The following KCNH8 variants were observed in gnomAD, a reference collection of about 807,000 sequenced individuals.
KCNH8 encodes the protein voltage-gated delayed rectifier potassium channel KCNH8.
Under a neutral mutation model 103.6 loss-of-function variants are expected in KCNH8, and 70 were observed. The observed-to-expected ratio is 0.68, with a 90% CI of 0.56 to 0.82. The LOEUF (loss-of-function observed/expected upper bound fraction) is 0.82, where lower values mean the gene tolerates loss of function less well. Among genes scored for constraint, KCNH8 ranks in the 40% least tolerant of loss-of-function variants. The probability of loss-of-function intolerance (pLI) is 0.00; values close to 1 mark genes in which losing one functional copy is unlikely to be tolerated. For synonymous variants in KCNH8, 498 were observed against 489.4 expected (o/e 1.02, Z -0.23); for missense variants, 1,217 against 1,329.9 (o/e 0.92, Z 1.32).
intron 3 of KCNH8, among the ~76,000 whole-genome samples, chr3:19,298,853 C>T (rs923715790): frequency 5.5e-5 from 8 of 145,774 alleles, no homozygotes; most frequent in East Asian, 2.0e-4. Flanking sequence ...ACCCGGGAGG[C>T]GCAGCTTGCA....
chr3:19,513,301 C>T lies in KCNH8; in HGVS notation c.2411C>T (p.Ala804Val). 1 of 1,605,038 alleles carries T rather than the reference C, an allele frequency of 6.2e-7. No individual in the cohort carries two copies. The highest frequency in any genetic ancestry group is 1.1e-5 in the South Asian group (1 of 89,784). Residue 804 changes from alanine (A) to valine (V), a missense_variant, in exon 13 of 16, where the codon GCT becomes GTT. Transcript: ENST00000328405. ...LKLQLSTLNN[A>V]GPPDLSPRIV... Reference sequence around the variant, plus strand: ...TTGCAACTTTCAACTTTGAATAATGCTGGACCCCCAGACCTCAGTCCAAGG... The same window carrying T: ...TTGCAACTTTCAACTTTGAATAATGTTGGACCCCCAGACCTCAGTCCAAGG...
chr3:19,284,522 T>TGA (rs2064801957), intron 3 of KCNH8, among the ~76,000 whole-genome samples: 1 of 149,164 alleles, frequency 6.7e-6, no homozygotes, highest in Non-Finnish European at 1.5e-5. Flanking sequence ...TGTGTGTGTG[T>TGA]GTGTGTGTGT....
rs538560815 is a variant in KCNH8 at position 19,471,229 on chromosome 3, G to C, written c.2040+14247G>C. On this transcript the variant is annotated intron_variant, in intron 11 of 15. Coordinates refer to ENST00000328405, the MANE Select transcript of KCNH8 (RefSeq NM_144633.3). ...CAGCAGATGTTCAGCCTTAAATAAAGTGTTAAATTTGCATATGCACACACA... is the reference window on the plus strand; with the variant it reads ...CAGCAGATGTTCAGCCTTAAATAAACTGTTAAATTTGCATATGCACACACA... Among the ~76,000 whole-genome samples the C allele has an allele frequency of 1.2e-3, 177 of 152,278 alleles. 2 individuals carry two copies. The highest frequency in any genetic ancestry group is 1.4e-3 in the Non-Finnish European group (94 of 68,024).
At chr3:19,372,198 T>G (rs2066109618) in intron 5 of KCNH8, among the ~76,000 whole-genome samples, 1 of 152,164 alleles carries the variant, frequency 6.6e-6, no homozygotes. Flanking sequence ...TAAATTACCT[T>G]GGGCAGTATG....
At chr3:19,519,522 GAAGT>G (rs2068935130) in intron 15 of KCNH8, among the ~76,000 whole-genome samples, 1 of 150,514 alleles carries the variant, frequency 6.6e-6, no homozygotes, top group South Asian at 2.1e-4. Context: ...TTGCTAATAA[GAAGT>G]AAGAGAGCCG....
chr3:19,423,795 C>G (rs150021638), intron 7 of KCNH8, among the ~76,000 whole-genome samples: 1 of 152,012 alleles, frequency 6.6e-6, no homozygotes, highest in Non-Finnish European at 1.5e-5. Flanking sequence ...TGAGTAGATA[C>G]GCAGTAGTGG....
intron 11 of KCNH8, among the ~76,000 whole-genome samples, chr3:19,489,451 T>C (rs931166553): frequency 3.9e-5 from 6 of 152,110 alleles, no homozygotes; most frequent in Non-Finnish European, 5.9e-5. Flanking sequence ...CGGGAATTGA[T>C]ACGGGAATTG....
At chr3:19,150,223 C>T (rs2063115296) in intron 1 of KCNH8, among the ~76,000 whole-genome samples, 1 of 152,130 alleles carries the variant, frequency 6.6e-6, no homozygotes, top group Admixed American at 6.5e-5. Flanking sequence ...CAAGTCCCTG[C>T]CATTGCCACT....
chr3:19,436,222 C>T lies in KCNH8; in HGVS notation c.1178-1942C>T, dbSNP rs138989010. Among the ~76,000 whole-genome samples the T allele has an allele frequency of 4.7e-4, 71 of 152,038 alleles. 2 individuals are homozygous for T. In the East Asian group the frequency reaches 7.7e-3, roughly 17 times the overall value. On this transcript the variant is annotated intron_variant, in intron 7 of 15. Coordinates refer to ENST00000328405, the MANE Select transcript of KCNH8 (RefSeq NM_144633.3). ...TTTTGTTTTTATCATAAGTCAGTGTCCTCAGTATATTTAGATTCTACTTTA... is the reference window on the plus strand; with the variant it reads ...TTTTGTTTTTATCATAAGTCAGTGTTCTCAGTATATTTAGATTCTACTTTA...
intron 7 of KCNH8, among the ~76,000 whole-genome samples, chr3:19,395,606 G>A (rs929450699): frequency 6.6e-6 from 1 of 151,960 alleles, no homozygotes; most frequent in Non-Finnish European, 1.5e-5. Flanking sequence ...ATCTTATCTT[G>A]AAATGTTCCG....
intron 3 of KCNH8, 102 bp from the exon 4 acceptor site, chr3:19,342,485 G>A: frequency 8.7e-7 from 1 of 1,153,494 alleles, no homozygotes; most frequent in East Asian, 2.9e-5. Flanking sequence ...GTAGGTATTG[G>A]AAAACATGTA....
At chr3:19,427,799 A>G (rs1005878130) in intron 7 of KCNH8, among the ~76,000 whole-genome samples, 32 of 152,178 alleles carry the variant, frequency 2.1e-4, no homozygotes, top group African/African-American at 7.7e-4. Context: ...TGATCAATAT[A>G]AAAATAATGC....
At chr3:19,417,358 C>T (rs566130326) in intron 7 of KCNH8, among the ~76,000 whole-genome samples, 53 of 151,260 alleles carry the variant, frequency 3.5e-4, no homozygotes, top group South Asian at 1.5e-3. Context: ...AATTCCAGTG[C>T]GATTTTGTTA....
At position 19,219,750 on chromosome 3, in the gene KCNH8, A is replaced by AG. The variant is rs559108100; in HGVS notation, c.77-33904_77-33903insG. On this transcript the variant is annotated intron_variant, in intron 1 of 15. Coordinates refer to ENST00000328405, the MANE Select transcript of KCNH8 (RefSeq NM_144633.3). Reference sequence around the variant, plus strand: ...CATTCTCTTCCTACAGAGTGGAACCAAGCTCTTCCAGAGATGAGAGAGGCC... The same window carrying AG: ...CATTCTCTTCCTACAGAGTGGAACCAGAGCTCTTCCAGAGATGAGAGAGGCC... 4.6e-3 allele frequency among the ~76,000 whole-genome samples: 705 copies of AG among 152,226 alleles called. 6 individuals carry two copies. Among genetic ancestry groups the AG allele is most frequent in the African/African-American group, 0.016 (670 of 41,530 alleles).
chr3:19,318,630 T>G (rs911713917), intron 3 of KCNH8, among the ~76,000 whole-genome samples: 2 of 145,312 alleles, frequency 1.4e-5, no homozygotes, highest in Non-Finnish European at 3.0e-5. Context: ...CTGAGTAGTA[T>G]TACATGGTAA....
intron 2 of KCNH8, among the ~76,000 whole-genome samples, chr3:19,267,239 C>T (rs978128663): frequency 3.9e-5 from 6 of 152,166 alleles, no homozygotes; most frequent in East Asian, 1.9e-4. Context: ...AGAAGACAGC[C>T]GCTAGAATGC....
rs1575542066 is a variant in KCNH8, at chr3:19,343,308, G to T, written c.570+594G>T. On this transcript the variant is annotated intron_variant, in intron 4 of 15. Transcript: ENST00000328405. ...CAATAGAGTTGCTTTCTGAAATATGGTGTCTTACCTGTCAAAGCCACAACA... is the reference window on the plus strand; with the variant it reads ...CAATAGAGTTGCTTTCTGAAATATGTTGTCTTACCTGTCAAAGCCACAACA... 2.0e-5 allele frequency among the ~76,000 whole-genome samples: 3 copies of T among 152,018 alleles called. No individual in the cohort carries two copies. The South Asian group carries it at 6.2e-4, about 31-fold the overall frequency.
chr3:19,169,693 T>G (rs1235230284), intron 1 of KCNH8, among the ~76,000 whole-genome samples: 1 of 152,206 alleles, frequency 6.6e-6, no homozygotes, highest in Non-Finnish European at 1.5e-5. Flanking sequence ...CCTAGTATTT[T>G]CAGACCTCAA....
At chr3:19,529,640 G>T (rs1185797573) in intron 15 of KCNH8, among the ~76,000 whole-genome samples, 1 of 152,150 alleles carries the variant, frequency 6.6e-6, no homozygotes, top group East Asian at 1.9e-4. Flanking sequence ...AAACAAAAAT[G>T]CAGTAAAACT....
Sources: allele counts gnomAD v4.1 joint callset (sites outside exome capture counted in the v4.1 genomes callset), GRCh38; gene constraint gnomAD v4.1.1; transcripts MANE v1.5; gene names NCBI Gene and HGNC (gene_info 2026-07-23, HGNC 2026-07-21).